Variants in HDAC9 observed in about 807,000 individuals in gnomAD.
The protein encoded by HDAC9 is MEF-2 interacting transcription repressor (MITR) protein.
Under a neutral mutation model 139.4 loss-of-function variants are expected in HDAC9, and 41 were observed. That is an observed-to-expected ratio of 0.29 (90% confidence interval 0.23 to 0.38). The LOEUF (loss-of-function observed/expected upper bound fraction) is 0.38. Ranked by LOEUF, HDAC9 falls within the 10% of genes least tolerant of loss-of-function variation. The pLI, the probability that HDAC9 is intolerant of heterozygous loss-of-function variation, is 1.00. For synonymous variants in HDAC9, 517 were observed against 476.2 expected, an observed-to-expected ratio of 1.09 and a Z score of -1.12; for missense variants, 1,147 against 1,297.0, an observed-to-expected ratio of 0.88 and a Z score of 1.78.
At chr7:18,758,411 CAA>C (rs2129153804) in intron 14 of HDAC9, among the ~76,000 whole-genome samples, 1 of 152,180 alleles carries the variant, frequency 6.6e-6, no homozygotes, top group Non-Finnish European at 1.5e-5. Flanking sequence ...ACCTTTAACT[CAA>C]GAGAGCCTTG....
chr7:18,582,969 A>T (rs192175666), intron 2 of HDAC9, among the ~76,000 whole-genome samples: 1 of 151,400 alleles, frequency 6.6e-6, no homozygotes, highest in East Asian at 1.9e-4. Context: ...ATAATAATCA[A>T]TGATGCTCTA....
chr7:18,255,589 G>A (rs1291178625), intron 2 of HDAC9, among the ~76,000 whole-genome samples: 3 of 150,096 alleles, frequency 2.0e-5, no homozygotes, highest in Non-Finnish European at 4.4e-5. Flanking sequence ...TAGTTTTGAT[G>A]ATGTGACATT....
intron 1 of HDAC9, among the ~76,000 whole-genome samples, chr7:18,420,250 G>A (rs1356066866): frequency 6.6e-6 from 1 of 152,164 alleles, no homozygotes; most frequent in East Asian, 1.9e-4. Context: ...CATGAAGTCT[G>A]CATTTCAGGC....
chr7:18,931,572 C>T (rs182066749), intron 22 of HDAC9, among the ~76,000 whole-genome samples: 186 of 152,298 alleles, frequency 1.2e-3, no homozygotes, highest in African/African-American at 4.2e-3. Context: ...GAGATTCACT[C>T]ATCCTGTTCA....
chr7:18,344,878 A>G (rs1224320949), intron 1 of HDAC9, among the ~76,000 whole-genome samples: 2 of 152,026 alleles, frequency 1.3e-5, no homozygotes, highest in Admixed American at 1.3e-4. Context: ...ACCAAATTCT[A>G]AGGATTGATA....
chr7:18,505,010 A>C (rs1799375944), intron 2 of HDAC9, among the ~76,000 whole-genome samples: 1 of 152,222 alleles, frequency 6.6e-6, no homozygotes, highest in Non-Finnish European at 1.5e-5. Flanking sequence ...CAAATAGGCA[A>C]GCATGTTGAA....
intron 12 of HDAC9, among the ~76,000 whole-genome samples, chr7:18,722,518 C>T (rs1216885312): frequency 1.3e-5 from 2 of 152,098 alleles, no homozygotes; most frequent in African/African-American, 4.8e-5. Flanking sequence ...CTCAGTAAAA[C>T]TACTAATGGT....
At chr7:18,453,888 C>CAA (rs1190999278) in intron 1 of HDAC9, among the ~76,000 whole-genome samples, 1 of 152,008 alleles carries the variant, frequency 6.6e-6, no homozygotes, top group Non-Finnish European at 1.5e-5. Flanking sequence ...TGCCCAAAGA[C>CAA]AAAAGGGAAG....
chr7:18,500,896 T>C (rs921792633), intron 2 of HDAC9, among the ~76,000 whole-genome samples: 2 of 151,514 alleles, frequency 1.3e-5, no homozygotes, highest in African/African-American at 4.9e-5. Context: ...AGAAAGGAGA[T>C]ATAGATCTCA....
In HDAC9 at chr7:18,880,854, G is replaced by A. The variant is rs758516658; in HGVS notation, c.2803+6258G>A. Among the ~76,000 whole-genome samples, 954 of 137,344 alleles carry A rather than the reference G, an allele frequency of 6.9e-3. 11 individuals are homozygous for A. The highest frequency in any genetic ancestry group is 0.011 in the South Asian group (42 of 3,832). The allele number at this position is 137,344 out of a possible 152,430, so 90.1% of individuals were successfully genotyped here. On this transcript the variant is annotated intron_variant, in intron 22 of 25. Transcript: ENST00000686413. ...TAGTTAATAGTTGCCGGGGGGGGGG[G>A]AACCAAATAACAAAGCTTAGCATCT...
intron 3 of HDAC9, among the ~76,000 whole-genome samples, chr7:18,588,076 ATTT>A (rs1266284436): frequency 6.6e-6 from 1 of 152,336 alleles, no homozygotes; most frequent in African/African-American, 2.4e-5. Context: ...AACACCAAAG[ATTT>A]TAATATGAAG....
chr7:18,364,977 C>T (rs1233900378), intron 1 of HDAC9, among the ~76,000 whole-genome samples: 2 of 152,030 alleles, frequency 1.3e-5, no homozygotes, highest in African/African-American at 4.8e-5. Context: ...TGAAGTGTCA[C>T]ACAGGGTAAA....
intron 17 of HDAC9, among the ~76,000 whole-genome samples, chr7:18,802,090 T>C (rs1226348773): frequency 6.6e-6 from 1 of 151,816 alleles, no homozygotes; most frequent in Non-Finnish European, 1.5e-5. Context: ...GGTCATATAT[T>C]TCTTTTAATA....
intron 1 of HDAC9, among the ~76,000 whole-genome samples, chr7:18,341,559 T>C (rs578089207): frequency 2.6e-5 from 4 of 151,822 alleles, no homozygotes; most frequent in African/African-American, 9.6e-5. Context: ...ATCTGACAGG[T>C]TATAGTTTCA....
chr7:18,431,335 A>G (rs1184462385), intron 1 of HDAC9, among the ~76,000 whole-genome samples: 1 of 152,004 alleles, frequency 6.6e-6, no homozygotes. Context: ...TCCTTGAATC[A>G]CTCCTCTCAG....
At chr7:18,343,026 G>A (rs936524076) in intron 1 of HDAC9, among the ~76,000 whole-genome samples, 5 of 151,536 alleles carry the variant, frequency 3.3e-5, no homozygotes, top group East Asian at 1.9e-4. Flanking sequence ...TTCCCTATCC[G>A]GAGAAAAGAT....
At chr7:18,162,383 C>T in intron 2 of HDAC9, 1 of 1,518,944 alleles carries the variant, frequency 6.6e-7, no homozygotes. Flanking sequence ...TGTTAATAGA[C>T]TTCATGTGAA....
intron 1 of HDAC9, among the ~76,000 whole-genome samples, chr7:18,113,185 A>T (rs1331956914): frequency 1.3e-5 from 2 of 152,216 alleles, no homozygotes; most frequent in Non-Finnish European, 2.9e-5. Flanking sequence ...TAATTTAAGA[A>T]ATAAGAAGGA....
In HDAC9 at chr7:18,793,301, C is replaced by T. The variant is rs114396938; in HGVS notation, c.2215-44C>T. The T allele has an allele frequency of 2.9e-3, 3,912 of 1,336,354 alleles. 88 individuals are homozygous for T. The African/African-American group carries it at 0.046, about 16-fold the overall frequency. 82.8% of individuals were successfully genotyped at this position (1,336,354 alleles called of 1,614,324 possible). Reference sequence around the variant, plus strand: ...CCCCTTTCATCTCTTCCTTCTCTTTCGCTTTCTTCTTCTGTCTTCGGACTC... The same window carrying T: ...CCCCTTTCATCTCTTCCTTCTCTTTTGCTTTCTTCTTCTGTCTTCGGACTC... On this transcript the variant is annotated intron_variant, in intron 16 of 25. Coordinates refer to ENST00000686413, the MANE Select transcript of HDAC9 (RefSeq NM_178425.4).
Sources: gnomAD v4.1 joint callset for allele counts (sites outside exome capture counted in the v4.1 genomes callset) on GRCh38, gnomAD v4.1.1 for gene constraint, MANE v1.5 for transcripts, NCBI Gene and HGNC (gene_info 2026-07-23, HGNC 2026-07-21) for gene names.